The following WDR27 variants were observed in gnomAD, a reference collection of about 807,000 sequenced individuals.
WDR27 encodes the protein WD repeat domain 27.
WDR27 carries 100 observed loss-of-function variants against 114.4 expected under a neutral mutation model. That is an observed-to-expected ratio of 0.87 (90% CI 0.74 to 1.03). The LOEUF (loss-of-function observed/expected upper bound fraction) is 1.03. Among genes scored for constraint, WDR27 ranks in the 50% least tolerant of loss-of-function variants. The pLI is 0.00. For synonymous variants in WDR27, 449 were observed against 423.1 expected (o/e 1.06, Z -0.75); for missense variants, 1,129 against 1,092.9 (o/e 1.03, Z -0.47).
chr6:169,621,763 TAC>T (rs1388973980), intron 21 of WDR27, among the ~76,000 whole-genome samples: 5 of 150,946 alleles, frequency 3.3e-5, no homozygotes, highest in African/African-American at 9.8e-5. Context: ...CACACATATA[TAC>T]AGACGCACAC....
intron 22 of WDR27, among the ~76,000 whole-genome samples, chr6:169,613,047 A>C (rs1048078241): frequency 6.6e-6 from 1 of 152,250 alleles, no homozygotes; most frequent in Non-Finnish European, 1.5e-5. Flanking sequence ...CTTTTATAAA[A>C]TGTATTTTCA....
At chr6:169,575,223 CATCT>C (rs958909007) in intron 24 of WDR27, among the ~76,000 whole-genome samples, 8 of 147,108 alleles carry the variant, frequency 5.4e-5, no homozygotes, top group Non-Finnish European at 1.2e-4. Flanking sequence ...TCCATCCATC[CATCT>C]CTCTCCCTCT....
chr6:169,522,250 T>A (rs1024417140), intron 25 of WDR27, among the ~76,000 whole-genome samples: 3 of 152,014 alleles, frequency 2.0e-5, no homozygotes, highest in African/African-American at 7.2e-5. Flanking sequence ...TATATAATGA[T>A]AAAGGGGTCA....
chr6:169,460,452 T>C (rs973856933), intron 25 of WDR27, among the ~76,000 whole-genome samples: 33 of 151,832 alleles, frequency 2.2e-4, no homozygotes, highest in African/African-American at 7.3e-4. Flanking sequence ...ATAAAAGAAA[T>C]TGAGAAAGAA....
chr6:169,692,350 TG>T (rs1443075810), intron 1 of WDR27, among the ~76,000 whole-genome samples: 5 of 152,186 alleles, frequency 3.3e-5, no homozygotes, highest in African/African-American at 9.7e-5. Context: ...TAATTTAGAC[TG>T]GGCATGAACT....
intron 18 of WDR27, 58 bp from the exon 19 acceptor site, chr6:169,636,562 G>C (rs1258130188): frequency 1.4e-6 from 2 of 1,473,782 alleles, no homozygotes; most frequent in East Asian, 2.3e-5. Context: ...AAACACTATT[G>C]CTCTAAACAT....
rs915766657 is a variant in WDR27 at position 169,638,471 on chromosome 6, T to G, written c.1869+68A>C. On this transcript the variant is annotated intron_variant, in intron 18 of 25. Transcript: ENST00000448612. ...CTCATCTCCTGTTAAGGTAAAAGAATGAGACTTTTGAGAAGCTCTCAGCTC... is the reference window on the plus strand; with the variant it reads ...CTCATCTCCTGTTAAGGTAAAAGAAGGAGACTTTTGAGAAGCTCTCAGCTC... 6 of 1,569,290 alleles carry G rather than the reference T, an allele frequency of 3.8e-6. No homozygotes were observed. In the African/African-American group the frequency reaches 8.1e-5, roughly 21 times the overall value.
At chr6:169,642,640 C>A (rs564493408) in intron 17 of WDR27, among the ~76,000 whole-genome samples, 1 of 152,244 alleles carries the variant, frequency 6.6e-6, no homozygotes, top group South Asian at 2.1e-4. Flanking sequence ...ATGCAGGAGC[C>A]GAGCCCGGCT....
chr6:169,480,251 G>A (rs74301115), intron 25 of WDR27, among the ~76,000 whole-genome samples: 38 of 152,294 alleles, frequency 2.5e-4, no homozygotes, highest in African/African-American at 6.3e-4. Flanking sequence ...TCGAATTCTC[G>A]CCAGGCTTCA....
intron 17 of WDR27, among the ~76,000 whole-genome samples, chr6:169,641,311 A>C (rs534188259): frequency 1.3e-4 from 19 of 151,122 alleles, no homozygotes; most frequent in African/African-American, 4.2e-4. Flanking sequence ...CACCGCAGGC[A>C]AGGCCGGGCC....
At chr6:169,456,331 A>G (rs1784343533), downstream of WDR27, among the ~76,000 whole-genome samples, 2 of 152,190 alleles carry the variant, frequency 1.3e-5, no homozygotes, top group Admixed American at 6.5e-5. The surrounding 1 kb of genome is among the most constrained non-coding windows in gnomAD (Gnocchi z 4.0). Flanking sequence ...AGGTGAGGTC[A>G]CAGCACACTG....
At chr6:169,688,179 C>G (rs1024025784) in intron 2 of WDR27, among the ~76,000 whole-genome samples, 5 of 152,034 alleles carry the variant, frequency 3.3e-5, no homozygotes, top group African/African-American at 1.2e-4. Flanking sequence ...CACAGTGGTA[C>G]CTAATAAATC....
At chr6:169,585,215 G>C (rs975385143) in intron 23 of WDR27, among the ~76,000 whole-genome samples, 8 of 152,148 alleles carry the variant, frequency 5.3e-5, no homozygotes, top group Non-Finnish European at 8.8e-5. Flanking sequence ...TAGTGGAAAA[G>C]CACCTCAATA....
At chr6:169,502,250 G>T (rs1791379245) in intron 25 of WDR27, among the ~76,000 whole-genome samples, 1 of 152,184 alleles carries the variant, frequency 6.6e-6, no homozygotes, top group African/African-American at 2.4e-5. Context: ...GCGGCCGCGG[G>T]AGACACCCAG....
chr6:169,552,357 G>GA (rs1261858180), intron 25 of WDR27, among the ~76,000 whole-genome samples: 3 of 152,134 alleles, frequency 2.0e-5, no homozygotes, highest in African/African-American at 7.2e-5. Flanking sequence ...CAAACACGCT[G>GA]AAACGCCAGC....
At chr6:169,689,534 T>G (rs1783907267) in intron 1 of WDR27, among the ~76,000 whole-genome samples, 1 of 152,232 alleles carries the variant, frequency 6.6e-6, no homozygotes, top group African/African-American at 2.4e-5. Flanking sequence ...CACAACACTG[T>G]ATGTAATTAC....
At chr6:169,658,504 A>T (rs1824963759) in intron 12 of WDR27, 146 bp from the exon 13 acceptor site, 2 of 635,820 alleles carry the variant, frequency 3.1e-6, no homozygotes, top group Non-Finnish European at 5.6e-6. Context: ...AAAACTGTCA[A>T]GTGTATTCTT....
Position 169,693,510 on chromosome 6 carries a change from C to T in WDR27, c.-7-4498G>A, listed in dbSNP as rs550723719. 2.6e-5 allele frequency among the ~76,000 whole-genome samples: 4 copies of T among 152,254 alleles called. No homozygotes were observed. In the East Asian group the frequency reaches 7.7e-4, roughly 29 times the overall value. On this transcript the variant is annotated intron_variant, in intron 1 of 25. Coordinates refer to ENST00000448612, the MANE Select transcript of WDR27 (RefSeq NM_182552.5). Reference sequence around the variant, plus strand: ...AATACTAACGCTGAATGTAAATGGTCTAAGTGCTCCACTGGAAAGATACAA... The same window carrying T: ...AATACTAACGCTGAATGTAAATGGTTTAAGTGCTCCACTGGAAAGATACAA...
At chr6:169,696,250 A>T (rs974019881) in intron 1 of WDR27, among the ~76,000 whole-genome samples, 1 of 152,228 alleles carries the variant, frequency 6.6e-6, no homozygotes, top group African/African-American at 2.4e-5. Context: ...TAGAACAAGC[A>T]ATCAACAGCA....
Sources: allele counts gnomAD v4.1 joint callset (sites outside exome capture counted in the v4.1 genomes callset), GRCh38; gene constraint gnomAD v4.1.1; non-coding constraint Gnocchi (gnomAD v3.1); transcripts MANE v1.5; gene names NCBI Gene and HGNC (gene_info 2026-07-23, HGNC 2026-07-21).